The following PCDHA9 variants were observed in gnomAD, a reference collection of about 807,000 sequenced individuals.
PCDHA9 encodes protocadherin alpha-9.
A neutral mutation model predicts 62.0 loss-of-function variants in PCDHA9; 62 were observed. The ratio of observed to expected loss-of-function variants is 1.00; its 90% CI spans 0.81 to 1.23. PCDHA9 has a LOEUF of 1.23. PCDHA9 is among the 50% of genes most tolerant of loss of function. PCDHA9 has a pLI of 0.00. For synonymous variants in PCDHA9, 557 were observed against 567.6 expected, an observed-to-expected ratio of 0.98 and a Z score of 0.27; for missense variants, 1,205 against 1,249.8, an observed-to-expected ratio of 0.96 and a Z score of 0.54.
chr5:140,895,905 G>A (rs987746254), intron 1 of PCDHA9, among the ~76,000 whole-genome samples: 4 of 152,076 alleles, frequency 2.6e-5, no homozygotes, highest in Admixed American at 1.3e-4. Context: ...TCCGCGTCCC[G>A]GGCTCAACAA....
At chr5:140,877,467 G>C (rs1554169776) in intron 1 of PCDHA9, 3 of 1,613,752 alleles carry the variant, frequency 1.9e-6, no homozygotes, top group African/African-American at 2.7e-5. Flanking sequence ...CGGCCACGGT[G>C]CTGGTGTCGC....
At chr5:140,946,629 T>TATATATATATATAC (rs1367833800) in intron 1 of PCDHA9, among the ~76,000 whole-genome samples, 1 of 123,274 alleles carries the variant, frequency 8.1e-6, no homozygotes, top group Admixed American at 8.1e-5. Flanking sequence ...TATATATATA[T>TATATATATATATAC]ATACAATGGA....
chr5:140,993,372 A>T (rs2097552472), intron 3 of PCDHA9, among the ~76,000 whole-genome samples: 1 of 151,976 alleles, frequency 6.6e-6, no homozygotes, highest in South Asian at 2.1e-4. Context: ...ACTACCTCCC[A>T]GCCGGGTCCC....
chr5:140,910,715 A>C (rs2075137767), intron 1 of PCDHA9, among the ~76,000 whole-genome samples: 1 of 152,118 alleles, frequency 6.6e-6, no homozygotes, highest in Admixed American at 6.5e-5. Flanking sequence ...GCCATCTTTT[A>C]ATCCATATTT....
intron 1 of PCDHA9, chr5:140,869,955 T>G: frequency 2.5e-6 from 4 of 1,612,860 alleles, no homozygotes; most frequent in Non-Finnish European, 3.4e-6. Flanking sequence ...TAATGTCAAT[T>G]AAGCCCAATG....
At chr5:140,924,895 AAAAAAAAAAAT>A (rs1321698386) in intron 1 of PCDHA9, among the ~76,000 whole-genome samples, 1,704 of 132,168 alleles carry the variant, frequency 0.013, 31 homozygotes, top group African/African-American at 0.056. Flanking sequence ...AACCTGTCTC[AAAAAAAAAAAT>A]AAAATAAAAT....
intron 3 of PCDHA9, among the ~76,000 whole-genome samples, chr5:140,982,795 A>G (rs1011948194): frequency 3.3e-5 from 5 of 151,516 alleles, no homozygotes; most frequent in African/African-American, 1.2e-4. Context: ...GCATGTGTGC[A>G]TGTGTGTGTG....
intron 1 of PCDHA9, chr5:140,930,374 C>G (rs549190703): frequency 6.6e-6 from 1 of 151,988 alleles, no homozygotes; most frequent in South Asian, 2.1e-4. Flanking sequence ...TGTTAGTGGC[C>G]CTTGGCATTT....
At chr5:140,870,430 G>C (rs782773036) in intron 1 of PCDHA9, 6 of 1,614,226 alleles carry the variant, frequency 3.7e-6, no homozygotes, top group Non-Finnish European at 5.1e-6. Context: ...GGTATCCGTG[G>C]AGGTGGCCGA....
Position 140,881,357 on chromosome 5 carries a change from CT to C in PCDHA9, c.2394+30471del, listed in dbSNP as rs1486951603. 3.0e-6 allele frequency: 3 copies of C among 985,228 alleles called. No homozygotes were observed. The African/African-American group carries it at 5.2e-5, about 17-fold the overall frequency. 61.0% of individuals were successfully genotyped at this position (985,228 alleles called of 1,614,324 possible). A position where few individuals can be genotyped will look rare whatever the true frequency, so the allele number is the denominator to read the frequency against. ...CGCCGATTCGGGCTACAATGCGTGG[CT>C]TTCGTATGAATTGCAGCCGGCGGCG... On this transcript the variant is annotated intron_variant, in intron 1 of 3. Coordinates refer to ENST00000532602, the MANE Select transcript of PCDHA9 (RefSeq NM_031857.2).
intron 1 of PCDHA9, chr5:140,860,628 G>A (rs1488931314): frequency 6.6e-6 from 1 of 152,206 alleles, no homozygotes; most frequent in African/African-American, 2.4e-5. Flanking sequence ...ACATATGCAG[G>A]AATCAGGAAC....
chr5:140,982,677 C>T, intron 3 of PCDHA9, 114 bp downstream of exon 3: 1 of 1,439,238 alleles, frequency 6.9e-7, no homozygotes, highest in Non-Finnish European at 9.1e-7. Flanking sequence ...TTTTGTTATT[C>T]CCTTTTTTCC....
chr5:140,875,806 A>G, intron 1 of PCDHA9: 1 of 1,614,204 alleles, frequency 6.2e-7, no homozygotes, highest in African/African-American at 1.3e-5. Context: ...GATCGTGGAC[A>G]GGCCGCTGCA....
At chr5:140,939,521 T>C (rs540311861) in intron 1 of PCDHA9, among the ~76,000 whole-genome samples, 3 of 152,326 alleles carry the variant, frequency 2.0e-5, no homozygotes, top group Non-Finnish European at 2.9e-5. Flanking sequence ...TTAATAGTTA[T>C]AGAATTATAC....
intron 1 of PCDHA9, among the ~76,000 whole-genome samples, chr5:140,893,446 A>C (rs1305001651): frequency 6.6e-6 from 1 of 152,132 alleles, no homozygotes; most frequent in Non-Finnish European, 1.5e-5. Flanking sequence ...TGAAGCCAGG[A>C]GTTCAAGACC....
At chr5:140,986,738 G>T (rs1483741648) in intron 3 of PCDHA9, among the ~76,000 whole-genome samples, 1 of 152,168 alleles carries the variant, frequency 6.6e-6, no homozygotes, top group Admixed American at 6.5e-5. Flanking sequence ...AAGACCCCAG[G>T]GGATCTGGGA....
chr5:140,941,214 C>CTTCTTTCTTTCTTT (rs1554214039), intron 1 of PCDHA9, among the ~76,000 whole-genome samples: 1 of 122,414 alleles, frequency 8.2e-6, no homozygotes. Flanking sequence ...TTTCTTTCTT[C>CTTCTTTCTTTCTTT]CTTTCTTTCT....
chr5:140,944,277 C>T (rs922160593), intron 1 of PCDHA9, among the ~76,000 whole-genome samples: 1 of 152,044 alleles, frequency 6.6e-6, no homozygotes, highest in Non-Finnish European at 1.5e-5. Flanking sequence ...AGCCTTGACA[C>T]CCCGGGCTCA....
intron 1 of PCDHA9, among the ~76,000 whole-genome samples, chr5:140,950,750 C>T (rs1320735521): frequency 3.3e-5 from 5 of 151,928 alleles, no homozygotes; most frequent in Non-Finnish European, 7.4e-5. Flanking sequence ...TCTCTCTATC[C>T]TTTCTGGACT....
Sources: allele counts gnomAD v4.1 joint callset (sites outside exome capture counted in the v4.1 genomes callset), GRCh38; gene constraint gnomAD v4.1.1; transcripts MANE v1.5; gene names NCBI Gene and HGNC (gene_info 2026-07-23, HGNC 2026-07-21).